The following LAMA4 variants were observed in gnomAD, a reference collection of about 807,000 sequenced individuals.
The protein encoded by LAMA4 is laminin subunit alpha 4.
LAMA4 carries 127 observed loss-of-function variants against 207.1 expected under a neutral mutation model. That is an observed-to-expected ratio of 0.61 (90% CI 0.53 to 0.71). LAMA4 has a LOEUF of 0.71. LAMA4 is among the 30% of genes least tolerant of loss of function. LAMA4 has a pLI of 0.00. For synonymous variants in LAMA4, 761 were observed against 816.0 expected (o/e 0.93, Z 1.15); for missense variants, 2,093 against 2,246.5 (o/e 0.93, Z 1.38).
At position 112,115,672 on chromosome 6, in the gene LAMA4, T is replaced by C. The variant is rs587689564; in HGVS notation, c.5112+191A>G. Among the ~76,000 whole-genome samples, 106 of 152,340 alleles carry C rather than the reference T, an allele frequency of 7.0e-4. 3 individuals are homozygous for C. The South Asian group carries it at 0.022, about 31-fold the overall frequency. On this transcript the variant is annotated intron_variant, in intron 36 of 38. Transcript: ENST00000230538. ...TGCCATATTTTTATGACTCTTTGTT[T>C]TAACCAAATCAACTTTCAACATAGG...
intron 2 of LAMA4, among the ~76,000 whole-genome samples, chr6:112,239,750 G>A (rs1205011134): frequency 2.0e-5 from 3 of 152,134 alleles, no homozygotes; most frequent in Non-Finnish European, 4.4e-5. Flanking sequence ...AAAGGAGTTA[G>A]CAGCCTATGT....
Position 112,155,594 on chromosome 6 carries a change from C to A in LAMA4, c.1930G>T (p.Ala644Ser). Residue 644 changes from alanine to serine, a missense_variant, in exon 15 of 39, where the codon GCT becomes TCT. Ala to Ser is a moderately conservative substitution (Grantham distance 99, BLOSUM62 1). Around this residue, in one of 3 missense-constraint regions of LAMA4, gnomAD observed 1,704 missense variants for 1,788.4 expected, o/e 0.95. Transcript: ENST00000230538. ...TAAATTCGGTCAGTGGTGTTCAAAGCAAATTCTGCTGTTTCATTGGCTTCA... is the reference window on the plus strand; with the variant it reads ...TAAATTCGGTCAGTGGTGTTCAAAGAAAATTCTGCTGTTTCATTGGCTTCA... ...VSEANETAEF[A>S]LNTTDRIYDA... 1 of 1,614,166 alleles carries A rather than the reference C, an allele frequency of 6.2e-7. No homozygotes were observed. The highest frequency in any genetic ancestry group is 8.5e-7 in the Non-Finnish European group (1 of 1,179,998).
intron 5 of LAMA4, among the ~76,000 whole-genome samples, chr6:112,194,525 G>A (rs1423473695): frequency 6.6e-6 from 1 of 152,088 alleles, no homozygotes; most frequent in Non-Finnish European, 1.5e-5. Flanking sequence ...TGGACCCTAT[G>A]GATTTAACAA....
At chr6:112,137,729 C>T (rs1338620563) in intron 24 of LAMA4, among the ~76,000 whole-genome samples, 1 of 152,226 alleles carries the variant, frequency 6.6e-6, no homozygotes, top group African/African-American at 2.4e-5. Flanking sequence ...TTTTGAGACA[C>T]ACAGATATTT....
intron 3 of LAMA4, among the ~76,000 whole-genome samples, chr6:112,216,016 C>T (rs1009459378): frequency 1.3e-5 from 2 of 152,176 alleles, no homozygotes; most frequent in Admixed American, 1.3e-4. Flanking sequence ...TGGAACGAAG[C>T]CAAACATATG....
intron 2 of LAMA4, among the ~76,000 whole-genome samples, chr6:112,243,119 G>A (rs1398558084): frequency 2.0e-5 from 3 of 152,156 alleles, no homozygotes; most frequent in Admixed American, 6.5e-5. Context: ...TGGCATGGGA[G>A]ACCCATGAAC....
rs1778083988 is a variant in LAMA4, at chr6:112,117,398, A to T, written c.4981+341T>A. ...ACTTCCTTTAGTAGGACAATGGTTC[A>T]TGCCAAGAAGGAGCAGAGCAAGACC... is the stretch of plus-strand genomic sequence containing the variant. On this transcript the variant is annotated intron_variant, in intron 35 of 38. Transcript: ENST00000230538. The surrounding 1 kb of genome is among the most constrained non-coding windows in gnomAD (Gnocchi z 4.5). 6.6e-6 allele frequency among the ~76,000 whole-genome samples: 1 copy of T among 152,168 alleles called. No individual in the cohort carries two copies. The highest frequency in any genetic ancestry group is 6.5e-5 in the Admixed American group (1 of 15,272).
chr6:112,229,377 C>T (rs1391317082), intron 2 of LAMA4, among the ~76,000 whole-genome samples: 5 of 152,176 alleles, frequency 3.3e-5, no homozygotes, highest in South Asian at 2.1e-4. Context: ...TCTCTGAAAA[C>T]AGCCAAAACC....
intron 13 of LAMA4, among the ~76,000 whole-genome samples, chr6:112,162,965 C>CTTTTTTTTTTT: frequency 1.1e-5 from 1 of 91,248 alleles, no homozygotes. Context: ...CAGCTCAAAT[C>CTTTTTTTTTTT]TTTTTTTTTT....
At chr6:112,223,179 A>G (rs1407840333) in intron 2 of LAMA4, among the ~76,000 whole-genome samples, 12 of 151,492 alleles carry the variant, frequency 7.9e-5, no homozygotes, top group African/African-American at 2.9e-4. Context: ...TGATGCTGCC[A>G]GATTTTTTTT....
intron 6 of LAMA4, among the ~76,000 whole-genome samples, chr6:112,191,051 G>A (rs782153559): frequency 4.0e-5 from 6 of 150,384 alleles, no homozygotes; most frequent in Admixed American, 1.3e-4. Context: ...GCTGGAGTGC[G>A]GTGGCACAAT....
chr6:112,133,820 T>C (rs1160501789), intron 26 of LAMA4, among the ~76,000 whole-genome samples: 2 of 152,240 alleles, frequency 1.3e-5, no homozygotes, highest in East Asian at 1.9e-4. Flanking sequence ...GGAACTAACA[T>C]GTTACACAGA....
At chr6:112,236,639 G>A (rs939847659) in intron 2 of LAMA4, 2 of 152,152 alleles carry the variant, frequency 1.3e-5, no homozygotes, top group Non-Finnish European at 2.9e-5. Context: ...TTCTCCCCAG[G>A]TATACTGCAG....
intron 32 of LAMA4, among the ~76,000 whole-genome samples, chr6:112,121,605 C>T (rs1490216075): frequency 6.6e-6 from 1 of 152,140 alleles, no homozygotes; most frequent in Non-Finnish European, 1.5e-5. Flanking sequence ...GACATACAAG[C>T]ATATTTGTAT....
At chr6:112,227,015 G>A (rs1395260631) in intron 2 of LAMA4, among the ~76,000 whole-genome samples, 4 of 151,868 alleles carry the variant, frequency 2.6e-5, no homozygotes, top group Non-Finnish European at 2.9e-5. Context: ...GGATGAGACT[G>A]AGAAAGAGTC....
In LAMA4 at chr6:112,203,531, G is replaced by T. The variant is rs149793408; in HGVS notation, c.423-1843C>A. ...TTGATAAGATATTTGATTAGTATTT[G>T]AGATTAGCTAACTAAGTTAATAATA... is the stretch of plus-strand genomic sequence containing the variant. On this transcript the variant is annotated intron_variant, in intron 4 of 38. Transcript: ENST00000230538. Among the ~76,000 whole-genome samples the T allele has an allele frequency of 6.8e-3, 1,031 of 152,300 alleles. 6 individuals are homozygous for T. Among genetic ancestry groups the T allele is most frequent in the Non-Finnish European group, 9.6e-3 (652 of 68,024 alleles).
intron 38 of LAMA4, among the ~76,000 whole-genome samples, chr6:112,111,027 AAACCTTT>A (rs1442678656): frequency 6.6e-6 from 1 of 152,130 alleles, no homozygotes; most frequent in African/African-American, 2.4e-5. Flanking sequence ...TACATTAACA[AAACCTTT>A]TTATTTTATT....
At chr6:112,252,032 G>A (rs1562114521) in intron 2 of LAMA4, among the ~76,000 whole-genome samples, 3 of 152,114 alleles carry the variant, frequency 2.0e-5, no homozygotes. Flanking sequence ...TCAAATAAGG[G>A]TTTCTTTTAA....
intron 16 of LAMA4, 31 bp from the exon 17 acceptor site, chr6:112,150,658 T>C (rs371592025): frequency 1.3e-6 from 2 of 1,489,694 alleles, no homozygotes; most frequent in South Asian, 1.1e-5. Context: ...GAAGTACTAG[T>C]GGAGCCAAGA....
Sources: allele counts gnomAD v4.1 joint callset (sites outside exome capture counted in the v4.1 genomes callset), GRCh38; gene constraint gnomAD v4.1.1; regional missense constraint gnomAD v4.1.1; non-coding constraint Gnocchi (gnomAD v3.1); transcripts MANE v1.5; gene names NCBI Gene and HGNC (gene_info 2026-07-23, HGNC 2026-07-21).